The following RIPOR2 variants were observed in gnomAD, a reference collection of about 807,000 sequenced individuals.
RIPOR2 encodes the protein RHO family interacting cell polarization regulator 2, also known as rho family-interacting cell polarization regulator 2.
In RIPOR2, 39 loss-of-function variants were observed where a neutral mutation model predicts 114.5. The ratio of observed to expected loss-of-function variants is 0.34; its 90% CI spans 0.26 to 0.44. The LOEUF (loss-of-function observed/expected upper bound fraction) is 0.44. Among genes scored for constraint, RIPOR2 ranks in the 20% least tolerant of loss-of-function variants. The pLI, the probability that RIPOR2 is intolerant of heterozygous loss-of-function variation, is 1.00. For synonymous variants in RIPOR2, 445 were observed against 484.4 expected, an observed-to-expected ratio of 0.92 and a Z score of 1.07; for missense variants, 1,007 against 1,255.1, an observed-to-expected ratio of 0.80 and a Z score of 2.99.
At chr6:25,005,127 A>G (rs1775494893) in intron 1 of RIPOR2, among the ~76,000 whole-genome samples, 2 of 152,152 alleles carry the variant, frequency 1.3e-5, no homozygotes, top group East Asian at 3.9e-4. Context: ...TTGCACCAGG[A>G]GAATTTCTCT....
At chr6:24,859,942 T>C (rs1356867412) in intron 8 of RIPOR2, among the ~76,000 whole-genome samples, 1 of 152,204 alleles carries the variant, frequency 6.6e-6, no homozygotes, top group East Asian at 1.9e-4. Context: ...TGCAGTCAGA[T>C]GGGCCAAAAC....
At chr6:25,015,291 A>G (rs1054636298) in intron 1 of RIPOR2, 2 of 152,298 alleles carry the variant, frequency 1.3e-5, no homozygotes, top group African/African-American at 4.8e-5. Flanking sequence ...TCTGATAAGC[A>G]TCGTGTCAAG....
chr6:24,906,775 T>C (rs1769044465), intron 1 of RIPOR2, among the ~76,000 whole-genome samples: 1 of 152,182 alleles, frequency 6.6e-6, no homozygotes. Flanking sequence ...TAGCTGAGAC[T>C]ACAAGCATGC....
intron 1 of RIPOR2, among the ~76,000 whole-genome samples, chr6:25,038,831 A>G (rs1447954411): frequency 6.6e-6 from 1 of 152,244 alleles, no homozygotes; most frequent in Admixed American, 6.5e-5. Flanking sequence ...GCACTAGAAA[A>G]CAAACATAAA....
chr6:24,869,791 G>A (rs1258083338), intron 5 of RIPOR2, among the ~76,000 whole-genome samples: 2 of 152,050 alleles, frequency 1.3e-5, no homozygotes, highest in Non-Finnish European at 2.9e-5. Flanking sequence ...AATATATTTT[G>A]TCTTCTAAGA....
At chr6:24,926,051 G>A (rs1414022994) in intron 1 of RIPOR2, among the ~76,000 whole-genome samples, 1 of 152,022 alleles carries the variant, frequency 6.6e-6, no homozygotes, top group Non-Finnish European at 1.5e-5. Flanking sequence ...CACCACTAGA[G>A]GGAACATTGT....
intron 6 of RIPOR2, among the ~76,000 whole-genome samples, chr6:24,866,935 AGTCCC>A (rs1383807081): frequency 1.3e-5 from 2 of 152,230 alleles, no homozygotes; most frequent in Non-Finnish European, 2.9e-5. Context: ...AGAGTTTAAG[AGTCCC>A]GTTTTGTTCT....
At chr6:24,839,310 A>T (rs1761401327) in intron 13 of RIPOR2, 38 bp from the exon 14 acceptor site, 28 of 1,519,212 alleles carry the variant, frequency 1.8e-5, no homozygotes, top group Non-Finnish European at 2.5e-5. Context: ...ACATCAACAT[A>T]TCCGGAAAGA....
chr6:24,968,772 C>G (rs1054202301), intron 1 of RIPOR2, among the ~76,000 whole-genome samples: 9 of 152,162 alleles, frequency 5.9e-5, no homozygotes, highest in African/African-American at 2.2e-4. Context: ...TCTTCCTGGC[C>G]TCACTTCAGT....
chr6:25,036,540 C>T (rs1777263667), intron 1 of RIPOR2, among the ~76,000 whole-genome samples: 1 of 151,918 alleles, frequency 6.6e-6, no homozygotes, highest in East Asian at 1.9e-4. Context: ...TACAGGCACA[C>T]ACCACCATGC....
intron 1 of RIPOR2, among the ~76,000 whole-genome samples, chr6:24,975,019 G>C (rs1207716655): frequency 6.6e-6 from 1 of 152,192 alleles, no homozygotes; most frequent in Non-Finnish European, 1.5e-5. Flanking sequence ...GACTGCTAAT[G>C]GGTATGGGGT....
chr6:25,032,474 G>A (rs979970575), intron 1 of RIPOR2, among the ~76,000 whole-genome samples: 3 of 152,018 alleles, frequency 2.0e-5, no homozygotes, highest in Admixed American at 6.6e-5. Flanking sequence ...ACCCTTGATG[G>A]GATTGGAAAT....
At chr6:24,892,284 T>A (rs1767441003) in intron 1 of RIPOR2, among the ~76,000 whole-genome samples, 1 of 152,138 alleles carries the variant, frequency 6.6e-6, no homozygotes, top group South Asian at 2.1e-4. Context: ...TTCTTTTTTT[T>A]AAGAGACAAG....
intron 1 of RIPOR2, among the ~76,000 whole-genome samples, chr6:25,040,395 C>A (rs1012995734): frequency 6.6e-6 from 1 of 152,090 alleles, no homozygotes; most frequent in Admixed American, 6.6e-5. Context: ...GAATTACAGG[C>A]GTGAGCCACC....
intron 6 of RIPOR2, among the ~76,000 whole-genome samples, chr6:24,868,307 G>A (rs1012794830): frequency 6.6e-6 from 1 of 152,156 alleles, no homozygotes; most frequent in African/African-American, 2.4e-5. Context: ...GTGAGTAGGT[G>A]GCAGAGCTGG....
Position 24,873,689 on chromosome 6 carries a change from G to T in RIPOR2, c.299C>A (p.Pro100His). Residue 100 changes from proline to histidine, a missense_variant, in exon 3 of 22, where the codon CCT becomes CAT. Coordinates refer to ENST00000643898, the MANE Select transcript of RIPOR2 (RefSeq NM_001286445.3). ...KNNNPPKEPQ[P>H]KRVEEVYRAL... is the part of the protein sequence containing the mutation. ...CCTGTAGACTTCTTCCACCCTTTTA[G>T]GCTGAGGCTCTTTGGGGGGATTGTT... 1 of 1,613,750 alleles carries T rather than the reference G, an allele frequency of 6.2e-7. No individual in the cohort carries two copies. Among genetic ancestry groups the T allele is most frequent in the Non-Finnish European group, 8.5e-7 (1 of 1,179,826 alleles).
At chr6:24,987,124 A>C (rs1774564817) in intron 1 of RIPOR2, among the ~76,000 whole-genome samples, 1 of 152,196 alleles carries the variant, frequency 6.6e-6, no homozygotes, top group East Asian at 1.9e-4. Flanking sequence ...AATTTTCTAG[A>C]ATATAACTGG....
At chr6:24,957,935 G>T (rs1382746386) in intron 1 of RIPOR2, among the ~76,000 whole-genome samples, 1 of 151,970 alleles carries the variant, frequency 6.6e-6, no homozygotes, top group Non-Finnish European at 1.5e-5. Context: ...AAATCCTTCT[G>T]ATAACACTGT....
intron 1 of RIPOR2, among the ~76,000 whole-genome samples, chr6:24,998,870 T>C (rs1775164334): frequency 1.5e-5 from 1 of 67,800 alleles, no homozygotes; most frequent in Admixed American, 2.2e-4. Flanking sequence ...GAACTTTATA[T>C]GCAGTCATTT....
Sources: allele counts gnomAD v4.1 joint callset (sites outside exome capture counted in the v4.1 genomes callset), GRCh38; gene constraint gnomAD v4.1.1; transcripts MANE v1.5; gene names NCBI Gene and HGNC (gene_info 2026-07-23, HGNC 2026-07-21).